Variants in ACADM observed in about 807,000 individuals in gnomAD.
ACADM encodes the protein medium-chain specific acyl-CoA dehydrogenase, mitochondrial.
ACADM carries 49 observed loss-of-function variants against 58.9 expected under a neutral mutation model. That is an observed-to-expected ratio of 0.83 (90% confidence interval 0.66 to 1.06). ACADM has a LOEUF of 1.06. ACADM is among the 50% of genes least tolerant of loss of function. The pLI is 0.00. For missense variants in ACADM, 496 were observed against 507.0 expected, an observed-to-expected ratio of 0.98 and a Z score of 0.21; for synonymous variants, 160 against 157.7, an observed-to-expected ratio of 1.01 and a Z score of -0.11.
At chr1:75,750,896 G>A (rs1648165000) in intron 10 of ACADM, 3 of 353,536 alleles carry the variant, frequency 8.5e-6, no homozygotes, top group Non-Finnish European at 1.1e-5. Context: ...CTACAGGTGC[G>A]CACCACTATG....
At chr1:75,738,232 T>TTA (rs1647379928) in intron 6 of ACADM, among the ~76,000 whole-genome samples, 2 of 119,902 alleles carry the variant, frequency 1.7e-5, no homozygotes, top group Non-Finnish European at 3.8e-5. Flanking sequence ...TGTTATTATT[T>TTA]TTTTTTTCTG....
chr1:75,729,193 G>A (rs1166472489), intron 2 of ACADM, among the ~76,000 whole-genome samples: 1 of 133,124 alleles, frequency 7.5e-6, no homozygotes, highest in East Asian at 2.3e-4. Context: ...TTTATTATTT[G>A]TTGTGTTTTT....
At chr1:75,743,159 T>C (rs1186086182) in intron 7 of ACADM, among the ~76,000 whole-genome samples, 1 of 121,240 alleles carries the variant, frequency 8.2e-6, no homozygotes, top group Non-Finnish European at 1.7e-5. Flanking sequence ...GGAATATGAA[T>C]GAGCATCCAT....
At chr1:75,734,313 G>A (rs953128444) in intron 5 of ACADM, among the ~76,000 whole-genome samples, 7 of 148,644 alleles carry the variant, frequency 4.7e-5, no homozygotes, top group Non-Finnish European at 7.4e-5. Flanking sequence ...ACAGGCGCCC[G>A]CCACCATGCC....
At chr1:75,741,969 G>A (rs1647593035) in intron 7 of ACADM, among the ~76,000 whole-genome samples, 1 of 152,174 alleles carries the variant, frequency 6.6e-6, no homozygotes, top group Non-Finnish European at 1.5e-5. Context: ...CTGACTTGCT[G>A]CATAAAGAAA....
intron 8 of ACADM, 67 bp from the exon 9 acceptor site, chr1:75,749,352 G>A (rs1416373730): frequency 6.5e-7 from 1 of 1,547,314 alleles, no homozygotes. Flanking sequence ...TCATGAAACA[G>A]TGATTAAAGC....
intron 2 of ACADM, among the ~76,000 whole-genome samples, chr1:75,730,376 T>G (rs1049601075): frequency 6.6e-6 from 1 of 152,190 alleles, no homozygotes; most frequent in African/African-American, 2.4e-5. Context: ...GTCTATTCCT[T>G]GAACCAGTTG....
Position 75,724,757 on chromosome 1 carries a change from T to A in ACADM, c.-31T>A. 6.5e-7 allele frequency: 1 copy of A among 1,535,070 alleles called. No individual in the cohort carries two copies. Among genetic ancestry groups the A allele is most frequent in the Non-Finnish European group, 8.8e-7 (1 of 1,139,662 alleles). ...TATGTCAAGGCCGTGACCCGTGTAT[T>A]ATTGTCCGAGTGGCCGGAACGGGAG... On this transcript the variant is annotated 5_prime_UTR_variant, in exon 1 of 12. Coordinates refer to ENST00000370841, the MANE Select transcript of ACADM (RefSeq NM_000016.6).
chr1:75,754,214 T>G (rs79698935), intron 10 of ACADM, among the ~76,000 whole-genome samples: 7,595 of 149,864 alleles, frequency 0.051, 301 homozygotes, highest in African/African-American at 0.11. Context: ...TTTTTGTTTT[T>G]TTTTTTTTTT....
chr1:75,730,032 T>C (rs1170632946), intron 2 of ACADM, among the ~76,000 whole-genome samples: 1 of 151,280 alleles, frequency 6.6e-6, no homozygotes, highest in Non-Finnish European at 1.5e-5. Flanking sequence ...GTAGCTGAGA[T>C]TACAGGTGTG....
chr1:75,758,057 T>TC (rs1648609150), intron 10 of ACADM, among the ~76,000 whole-genome samples: 1 of 151,718 alleles, frequency 6.6e-6, no homozygotes, highest in African/African-American at 2.4e-5. Flanking sequence ...TTTTTTTACT[T>TC]TTTTTTTAAT....
At chr1:75,728,526 A>C in intron 2 of ACADM, 38 bp downstream of exon 2, 1 of 1,410,904 alleles carries the variant, frequency 7.1e-7, no homozygotes, top group Non-Finnish European at 9.9e-7. Context: ...TTAAACTTAT[A>C]CATATGAAGC....
At chr1:75,734,727 C>A (rs909221603) in intron 5 of ACADM, 64 bp from the exon 6 acceptor site, 3 of 1,249,934 alleles carry the variant, frequency 2.4e-6, no homozygotes, top group Non-Finnish European at 3.5e-6. Context: ...TGAATTATAG[C>A]ATCTCTGAAT....
At chr1:75,734,702 G>A in intron 5 of ACADM, 89 bp from the exon 6 acceptor site, 1 of 1,072,968 alleles carries the variant, frequency 9.3e-7, no homozygotes, top group East Asian at 2.6e-5. Context: ...GTGAAAAATA[G>A]TTATTTTTTC....
At chr1:75,733,670 T>A in intron 5 of ACADM, 42 bp downstream of exon 5, 1 of 1,461,928 alleles carries the variant, frequency 6.8e-7, no homozygotes, top group Non-Finnish European at 9.6e-7. Context: ...CAGCTCTTGT[T>A]AATGAGATAG....
rs1394615257 is a variant in ACADM, at chr1:75,749,500, A to T, written c.790A>T (p.Ile264Phe). ...DVKVPKENVLIGDGAGFKVAM... is the reference protein window; with the variant it reads ...DVKVPKENVLFGDGAGFKVAM... ...GAAAGTGCCTAAAGAAAATGTTTTA[A>T]TTGGTGACGGAGCTGGTTTCAAAGT... The change falls in exon 9 of 12, where the codon ATT becomes TTT. Residue 264 changes from isoleucine (I) to phenylalanine (F), a missense_variant. Physicochemically the swap from Ile to Phe is conservative, Grantham distance 21. Coordinates refer to ENST00000370841, the MANE Select transcript of ACADM (RefSeq NM_000016.6). 1 of 1,613,990 alleles carries T rather than the reference A, an allele frequency of 6.2e-7. No homozygotes were observed. Among genetic ancestry groups the T allele is most frequent in the East Asian group, 2.2e-5 (1 of 44,870 alleles).
At chr1:75,744,551 G>C in intron 7 of ACADM, 1 of 1,489,172 alleles carries the variant, frequency 6.7e-7, no homozygotes, top group Non-Finnish European at 9.4e-7. Flanking sequence ...GCAAACGCTG[G>C]GGTTTTGACT....
In ACADM at chr1:75,762,785, G is replaced by C; in HGVS notation, c.*22G>C. The C allele has an allele frequency of 1.4e-6, 2 of 1,415,466 alleles. No individual in the cohort carries two copies. Among genetic ancestry groups the C allele is most frequent in the Non-Finnish European group, 2.0e-6 (2 of 1,005,276 alleles). 87.7% of individuals were successfully genotyped at this position (1,415,466 alleles called of 1,614,324 possible). On this transcript the variant is annotated 3_prime_UTR_variant, in exon 12 of 12. Coordinates refer to ENST00000370841, the MANE Select transcript of ACADM (RefSeq NM_000016.6). ...TTAAAAAAATTACTGTAGAAATATT[G>C]AATAACTAGAACACAAGCCACTGTT...
intron 8 of ACADM, among the ~76,000 whole-genome samples, chr1:75,747,180 A>C (rs1328010512): frequency 1.3e-5 from 2 of 151,632 alleles, no homozygotes; most frequent in Non-Finnish European, 2.9e-5. Flanking sequence ...CATCTTTAGA[A>C]AGTATAAAGG....
Sources: gnomAD v4.1 joint callset for allele counts (sites outside exome capture counted in the v4.1 genomes callset) on GRCh38, gnomAD v4.1.1 for gene constraint, MANE v1.5 for transcripts, NCBI Gene and HGNC (gene_info 2026-07-23, HGNC 2026-07-21) for gene names.